The following LHFPL3 variants were observed in gnomAD, a reference collection of about 807,000 sequenced individuals.
LHFPL3 encodes the protein LHFPL tetraspan subfamily member 3.
In LHFPL3, 5 loss-of-function variants were observed where a neutral mutation model predicts 19.3. The ratio of observed to expected loss-of-function variants is 0.26; its 90% CI spans 0.14 to 0.54. LHFPL3 has a LOEUF of 0.54. Among genes scored for constraint, LHFPL3 ranks in the 20% least tolerant of loss-of-function variants. The pLI, the probability that LHFPL3 is intolerant of heterozygous loss-of-function variation, is 0.94. For missense variants in LHFPL3, 249 were observed against 307.4 expected (o/e 0.81, Z 1.42); for synonymous variants, 133 against 126.2 (o/e 1.05, Z -0.36).
chr7:104,583,775 T>G (rs1296719624), intron 1 of LHFPL3, among the ~76,000 whole-genome samples: 1 of 151,748 alleles, frequency 6.6e-6, no homozygotes, highest in Non-Finnish European at 1.5e-5. Flanking sequence ...CTCACACCAG[T>G]TAGAATGGCG....
intron 1 of LHFPL3, among the ~76,000 whole-genome samples, chr7:104,398,717 C>G (rs1791245531): frequency 6.6e-6 from 1 of 152,176 alleles, no homozygotes; most frequent in Admixed American, 6.5e-5. Context: ...CCTGTCTCAC[C>G]TTATTATGGT....
At chr7:104,749,768 G>A (rs1413854942) in intron 2 of LHFPL3, among the ~76,000 whole-genome samples, 1 of 152,204 alleles carries the variant, frequency 6.6e-6, no homozygotes, top group African/African-American at 2.4e-5. Flanking sequence ...TAAATGTAAA[G>A]CCTCCAGTTT....
intron 1 of LHFPL3, among the ~76,000 whole-genome samples, chr7:104,621,841 A>G (rs2115805428): frequency 6.6e-6 from 1 of 152,248 alleles, no homozygotes; most frequent in East Asian, 1.9e-4. Flanking sequence ...CTTTATAGCA[A>G]CTTCGAAATC....
chr7:104,795,816 CT>C (rs1281016741), intron 2 of LHFPL3, among the ~76,000 whole-genome samples: 1 of 152,220 alleles, frequency 6.6e-6, no homozygotes, highest in Admixed American at 6.5e-5. Context: ...TTACTCATAG[CT>C]TTGCCTTGTC....
chr7:104,561,939 A>T (rs11971970), intron 1 of LHFPL3, among the ~76,000 whole-genome samples: 15,355 of 150,970 alleles, frequency 0.1, 1,608 homozygotes, highest in African/African-American at 0.28. Context: ...CCTTCACTTA[A>T]GAAGCTTAGT....
chr7:104,493,734 A>C (rs532437306), intron 1 of LHFPL3, among the ~76,000 whole-genome samples: 5 of 151,980 alleles, frequency 3.3e-5, no homozygotes, highest in Admixed American at 3.3e-4. Context: ...TGTTCTCACA[A>C]ACACTATCTG....
intron 1 of LHFPL3, among the ~76,000 whole-genome samples, chr7:104,480,111 A>G (rs748652799): frequency 4.7e-4 from 71 of 152,210 alleles, no homozygotes; most frequent in Non-Finnish European, 8.4e-4. Context: ...AGCCTTGCAT[A>G]GTAGGTAGAT....
At chr7:104,578,710 C>G (rs146366760) in intron 1 of LHFPL3, among the ~76,000 whole-genome samples, 3 of 152,092 alleles carry the variant, frequency 2.0e-5, no homozygotes, top group African/African-American at 7.2e-5. Flanking sequence ...ACCCCCCTAC[C>G]CCCAACCAGT....
intron 1 of LHFPL3, among the ~76,000 whole-genome samples, chr7:104,481,429 T>C (rs1793133859): frequency 6.6e-6 from 1 of 152,178 alleles, no homozygotes; most frequent in South Asian, 2.1e-4. Flanking sequence ...CTTTTGTGCC[T>C]CATCTCTCAC....
At chr7:104,692,734 GAA>G (rs1792927361) in intron 1 of LHFPL3, among the ~76,000 whole-genome samples, 1 of 152,242 alleles carries the variant, frequency 6.6e-6, no homozygotes, top group Admixed American at 6.5e-5. Context: ...GAGGATGTAT[GAA>G]AATTCCTGGA....
intron 2 of LHFPL3, among the ~76,000 whole-genome samples, chr7:104,860,994 G>C (rs549804922): frequency 6.6e-6 from 1 of 152,260 alleles, no homozygotes; most frequent in South Asian, 2.1e-4. Flanking sequence ...CGACAATCTT[G>C]TGCTTTCCAC....
At chr7:104,756,052 G>T (rs1420739299) in intron 2 of LHFPL3, among the ~76,000 whole-genome samples, 1 of 152,060 alleles carries the variant, frequency 6.6e-6, no homozygotes, top group Non-Finnish European at 1.5e-5. Flanking sequence ...TTGCTATGGG[G>T]CCAGGGGTTG....
intron 1 of LHFPL3, among the ~76,000 whole-genome samples, chr7:104,728,232 C>A (rs1392689957): frequency 6.6e-6 from 1 of 152,108 alleles, no homozygotes; most frequent in Non-Finnish European, 1.5e-5. Context: ...CATGTACCTG[C>A]TAAAAAGGAA....
chr7:104,715,481 G>A (rs1446983563), intron 1 of LHFPL3, among the ~76,000 whole-genome samples: 1 of 152,164 alleles, frequency 6.6e-6, no homozygotes, highest in East Asian at 1.9e-4. Context: ...CCTTATTCCT[G>A]AGAAGATTTC....
intron 1 of LHFPL3, among the ~76,000 whole-genome samples, chr7:104,663,465 C>T (rs1159004053): frequency 1.3e-5 from 2 of 152,268 alleles, no homozygotes; most frequent in East Asian, 1.9e-4. Context: ...CAGGAGGAGC[C>T]ATGGTTCACT....
intron 1 of LHFPL3, among the ~76,000 whole-genome samples, chr7:104,509,918 AAATC>A (rs1793778156): frequency 6.6e-6 from 1 of 152,124 alleles, no homozygotes; most frequent in Non-Finnish European, 1.5e-5. Context: ...AAACATATAA[AAATC>A]AATTGTATTT....
intron 1 of LHFPL3, among the ~76,000 whole-genome samples, chr7:104,604,619 A>G (rs979316501): frequency 2.6e-5 from 4 of 152,204 alleles, no homozygotes; most frequent in African/African-American, 9.6e-5. Context: ...TCATATCCTG[A>G]TGATTTAATT....
chr7:104,522,435 G>T (rs1053736144), intron 1 of LHFPL3, among the ~76,000 whole-genome samples: 2 of 150,368 alleles, frequency 1.3e-5, no homozygotes, highest in East Asian at 2.0e-4. Flanking sequence ...TACCTAATGC[G>T]AGATGACGAG....
At chr7:104,359,028 C>T (rs1407717285) in intron 1 of LHFPL3, among the ~76,000 whole-genome samples, 1 of 152,176 alleles carries the variant, frequency 6.6e-6, no homozygotes, top group East Asian at 1.9e-4. Flanking sequence ...TGACAGTGCC[C>T]TGGAGCCAGG....
Sources: allele counts gnomAD v4.1 joint callset (sites outside exome capture counted in the v4.1 genomes callset), GRCh38; gene constraint gnomAD v4.1.1; transcripts MANE v1.5; gene names NCBI Gene and HGNC (gene_info 2026-07-23, HGNC 2026-07-21).